GPC5: variants seen among roughly 807,000 people sequenced by gnomAD.
GPC5 encodes glypican 5.
GPC5 carries 47 observed loss-of-function variants against 53.9 expected under a neutral mutation model. The observed-to-expected ratio is 0.87, with a 90% CI of 0.69 to 1.11. The LOEUF (loss-of-function observed/expected upper bound fraction) is 1.11, where lower values mean the gene tolerates loss of function less well. Ranked by LOEUF, GPC5 falls within the 50% of genes most tolerant of loss-of-function variation. The pLI is 0.00. For synonymous variants in GPC5, 286 were observed against 263.3 expected (o/e 1.09, Z -0.84); for missense variants, 748 against 713.1 (o/e 1.05, Z -0.56).
intron 5 of GPC5, among the ~76,000 whole-genome samples, chr13:91,890,831 G>T (rs1034784363): frequency 1.3e-5 from 2 of 152,112 alleles, no homozygotes; most frequent in Non-Finnish European, 2.9e-5. Context: ...AAAAAAGAAG[G>T]CATTAAGAGG....
At chr13:91,767,827 G>A (rs892296282) in intron 5 of GPC5, among the ~76,000 whole-genome samples, 1 of 152,144 alleles carries the variant, frequency 6.6e-6, no homozygotes, top group African/African-American at 2.4e-5. Context: ...CCATCTGTTT[G>A]GCACAGAAGT....
At chr13:92,438,160 C>A (rs1877391328) in intron 7 of GPC5, among the ~76,000 whole-genome samples, 1 of 151,612 alleles carries the variant, frequency 6.6e-6, no homozygotes, top group African/African-American at 2.4e-5. Context: ...AAATTATGAG[C>A]AAAGTAGACT....
intron 7 of GPC5, among the ~76,000 whole-genome samples, chr13:92,657,899 CTTTTCTAT>C (rs1886194046): frequency 6.6e-6 from 1 of 151,968 alleles, no homozygotes; most frequent in African/African-American, 2.4e-5. Flanking sequence ...ATCTGAATTG[CTTTTCTAT>C]TTTTCTATTT....
intron 7 of GPC5, among the ~76,000 whole-genome samples, chr13:92,510,389 A>C (rs1440425880): frequency 6.6e-6 from 1 of 152,168 alleles, no homozygotes; most frequent in African/African-American, 2.4e-5. Flanking sequence ...ACCTACATCG[A>C]AGGGAATGAT....
chr13:92,606,545 C>T (rs1236685285), intron 7 of GPC5, among the ~76,000 whole-genome samples: 1 of 152,204 alleles, frequency 6.6e-6, no homozygotes, highest in Non-Finnish European at 1.5e-5. Context: ...CTGCAATAAA[C>T]ATACTCTTTT....
chr13:91,870,544 G>A (rs757744159), intron 5 of GPC5, among the ~76,000 whole-genome samples: 3 of 152,140 alleles, frequency 2.0e-5, no homozygotes, highest in African/African-American at 7.2e-5. Flanking sequence ...TTACAGTGCA[G>A]TTCATTTCAC....
At chr13:92,307,739 A>G (rs1292277370) in intron 7 of GPC5, among the ~76,000 whole-genome samples, 1 of 152,228 alleles carries the variant, frequency 6.6e-6, no homozygotes, top group Non-Finnish European at 1.5e-5. Flanking sequence ...GTGCTGGGAT[A>G]AAGGAAGAGA....
chr13:91,545,498 C>G (rs2030229819), intron 2 of GPC5, among the ~76,000 whole-genome samples: 1 of 152,004 alleles, frequency 6.6e-6, no homozygotes, highest in Non-Finnish European at 1.5e-5. Context: ...TTTATTTACT[C>G]TGATTTTCAT....
intron 7 of GPC5, among the ~76,000 whole-genome samples, chr13:92,501,096 C>A (rs1255931555): frequency 6.6e-6 from 1 of 151,906 alleles, no homozygotes; most frequent in African/African-American, 2.4e-5. Context: ...ATATGGCTTA[C>A]AAGGAAAATA....
chr13:92,065,707 C>T (rs889084935), intron 6 of GPC5, among the ~76,000 whole-genome samples: 8 of 152,118 alleles, frequency 5.3e-5, no homozygotes, highest in African/African-American at 1.7e-4. Context: ...ATTAAATTTA[C>T]ATTTTCAAAA....
At chr13:92,131,819 T>C (rs2041746067) in intron 6 of GPC5, among the ~76,000 whole-genome samples, 2 of 151,996 alleles carry the variant, frequency 1.3e-5, no homozygotes. Context: ...AAGATCTGTA[T>C]ACTCTGTTAC....
In GPC5 at chr13:91,926,957, A is replaced by G. The variant is rs546869725; in HGVS notation, c.1401+18900A>G. Among the ~76,000 whole-genome samples, 64 of 152,266 alleles carry G rather than the reference A, an allele frequency of 4.2e-4. No individual in the cohort carries two copies. In the East Asian group the frequency reaches 0.012, roughly 29 times the overall value. ...TCCATCTTTGTGTACAGATCTGAAA[A>G]CTTTATGTTAGAATTTATTAGATGA... On this transcript the variant is annotated intron_variant, in intron 6 of 7. Coordinates refer to ENST00000377067, the MANE Select transcript of GPC5 (RefSeq NM_004466.6).
chr13:91,968,742 G>C (rs1471147064), intron 6 of GPC5, among the ~76,000 whole-genome samples: 1 of 152,086 alleles, frequency 6.6e-6, no homozygotes, highest in Admixed American at 6.6e-5. Context: ...GATTACAGGC[G>C]TGAGCCACTG....
In GPC5 at chr13:92,147,436, T is replaced by G. The variant is rs532658107; in HGVS notation, c.1561+2447T>G. ...GTATAAATAGTATATTTATAGGAAG[T>G]TTTTTACTTCATGAAGTTATTTACA... On this transcript the variant is annotated intron_variant, in intron 7 of 7. Coordinates refer to ENST00000377067, the MANE Select transcript of GPC5 (RefSeq NM_004466.6). 2.0e-5 allele frequency among the ~76,000 whole-genome samples: 3 copies of G among 152,040 alleles called. No individual in the cohort carries two copies. The South Asian group carries it at 6.2e-4, about 32-fold the overall frequency.
intron 7 of GPC5, among the ~76,000 whole-genome samples, chr13:92,787,233 C>T (rs1298993400): frequency 6.6e-6 from 1 of 151,700 alleles, no homozygotes; most frequent in East Asian, 1.9e-4. Flanking sequence ...AAATTCCCTG[C>T]CAAAATGGAA....
intron 5 of GPC5, among the ~76,000 whole-genome samples, chr13:91,868,859 G>A (rs1369197706): frequency 2.0e-5 from 3 of 152,216 alleles, no homozygotes; most frequent in East Asian, 3.9e-4. Context: ...CAGAGGAATG[G>A]GTGACATAGT....
At chr13:91,473,697 G>C (rs1882768051) in intron 2 of GPC5, among the ~76,000 whole-genome samples, 1 of 152,130 alleles carries the variant, frequency 6.6e-6, no homozygotes, top group Non-Finnish European at 1.5e-5. Flanking sequence ...TAAACAGGCA[G>C]TTCACCATTT....
At chr13:92,172,171 G>C (rs1481958394) in intron 7 of GPC5, among the ~76,000 whole-genome samples, 1 of 152,172 alleles carries the variant, frequency 6.6e-6, no homozygotes, top group African/African-American at 2.4e-5. Context: ...ATGGTTGAAT[G>C]GGTGGATGGA....
intron 7 of GPC5, among the ~76,000 whole-genome samples, chr13:92,413,227 A>G (rs1165938162): frequency 6.6e-6 from 1 of 152,212 alleles, no homozygotes; most frequent in East Asian, 1.9e-4. Flanking sequence ...CCCTAGAGTT[A>G]ACTCTAAGCC....
Sources: allele counts gnomAD v4.1 joint callset (sites outside exome capture counted in the v4.1 genomes callset), GRCh38; gene constraint gnomAD v4.1.1; transcripts MANE v1.5; gene names NCBI Gene and HGNC (gene_info 2026-07-23, HGNC 2026-07-21).